The following ARHGEF10 variants were observed in gnomAD, a reference collection of about 807,000 sequenced individuals.
The protein encoded by ARHGEF10 is Rho guanine nucleotide exchange factor 10, also known as Rho guanine nucleotide exchange factor (GEF) 10.
In ARHGEF10, 140 loss-of-function variants were observed where a neutral mutation model predicts 147.4. The observed-to-expected ratio is 0.95, with a 90% CI of 0.83 to 1.09. The LOEUF (loss-of-function observed/expected upper bound fraction) is 1.09. Among genes scored for constraint, ARHGEF10 ranks in the 50% least tolerant of loss-of-function variants. ARHGEF10 has a pLI of 0.00. For synonymous variants in ARHGEF10, 902 were observed against 695.8 expected, an observed-to-expected ratio of 1.30 and a Z score of -4.67; for missense variants, 2,222 against 1,752.7, an observed-to-expected ratio of 1.27 and a Z score of -4.78.
chr8:1,851,061 C>T (rs1482228181), intron 2 of ARHGEF10, among the ~76,000 whole-genome samples: 5 of 152,120 alleles, frequency 3.3e-5, no homozygotes, highest in East Asian at 1.9e-4. Flanking sequence ...AGGCGGAGCA[C>T]GGGATTTTTA....
chr8:1,905,882 T>C (rs1162796525), intron 17 of ARHGEF10, among the ~76,000 whole-genome samples, 166 bp downstream of exon 17: 1 of 152,218 alleles, frequency 6.6e-6, no homozygotes, highest in African/African-American at 2.4e-5. Context: ...AAGCTTATTT[T>C]TAAATAGATT....
intron 8 of ARHGEF10, 34 bp from the exon 9 acceptor site, chr8:1,880,012 CTT>C (rs1563220087): frequency 6.8e-7 from 1 of 1,466,360 alleles, no homozygotes; most frequent in Admixed American, 1.7e-5. Context: ...CAAAAAGAGC[CTT>C]TTTGTGAAAA....
intron 15 of ARHGEF10, among the ~76,000 whole-genome samples, 196 bp from the exon 16 acceptor site, chr8:1,903,085 A>G (rs1272963473): frequency 1.3e-5 from 2 of 150,396 alleles, no homozygotes; most frequent in African/African-American, 5.0e-5. Flanking sequence ...TTGTTTTTGC[A>G]AAGGAAGCTG....
At chr8:1,878,904 T>C (rs1168957473) in intron 8 of ARHGEF10, among the ~76,000 whole-genome samples, 1 of 152,150 alleles carries the variant, frequency 6.6e-6, no homozygotes, top group Non-Finnish European at 1.5e-5. Context: ...GGGCTCTGCA[T>C]TTCCAGCCTC....
chr8:1,839,454 G>GCTGTCTGGTGTGGGGA (rs1803816500), intron 1 of ARHGEF10, among the ~76,000 whole-genome samples: 2 of 131,998 alleles, frequency 1.5e-5, no homozygotes, highest in Admixed American at 7.5e-5. Context: ...TGGTGTGGAA[G>GCTGTCTGGTGTGGGGA]CTGTCTGGTG....
intron 13 of ARHGEF10, among the ~76,000 whole-genome samples, chr8:1,895,536 G>T (rs1809900237): frequency 6.6e-6 from 1 of 152,100 alleles, no homozygotes; most frequent in Non-Finnish European, 1.5e-5. Flanking sequence ...TAAAAAAAGA[G>T]AAATATTGGA....
chr8:1,904,765 A>C (rs2129176490), intron 16 of ARHGEF10, among the ~76,000 whole-genome samples: 1 of 152,270 alleles, frequency 6.6e-6, no homozygotes, highest in East Asian at 1.9e-4. Flanking sequence ...GCGTAGGTTT[A>C]GAATCAAAAG....
At chr8:1,933,753 G>T in intron 25 of ARHGEF10, 47 bp from the exon 26 acceptor site, 2 of 1,612,106 alleles carry the variant, frequency 1.2e-6, no homozygotes, top group Non-Finnish European at 1.7e-6. Flanking sequence ...TCCCATTCCT[G>T]TGCACAGAAA....
At chr8:1,912,479 T>C (rs1811436510) in intron 18 of ARHGEF10, among the ~76,000 whole-genome samples, 1 of 151,694 alleles carries the variant, frequency 6.6e-6, no homozygotes. Flanking sequence ...TGCCGTGCAG[T>C]GTTAGACTCA....
At chr8:1,886,017 C>A (rs1271408455) in intron 11 of ARHGEF10, among the ~76,000 whole-genome samples, 1 of 152,172 alleles carries the variant, frequency 6.6e-6, no homozygotes, top group African/African-American at 2.4e-5. Flanking sequence ...TCGTGGGAGT[C>A]AGTCACACAG....
Position 1,881,900 on chromosome 8 carries a change from G to A in ARHGEF10, c.961-735G>A, listed in dbSNP as rs761127448. 4.1e-4 allele frequency among the ~76,000 whole-genome samples: 63 copies of A among 152,180 alleles called. 1 individual carries two copies. The highest frequency in any genetic ancestry group is 1.4e-3 in the African/African-American group (59 of 41,454). On this transcript the variant is annotated intron_variant, in intron 9 of 28. Coordinates refer to ENST00000349830, the MANE Select transcript of ARHGEF10 (RefSeq NM_014629.4). ...TCTTTTAAAGACGAAATCACTCAGC[G>A]TCCAGTGGCCAGTACCTCAGATGTT...
intron 1 of ARHGEF10, among the ~76,000 whole-genome samples, chr8:1,825,549 G>A (rs1267049127): frequency 6.7e-6 from 1 of 149,666 alleles, no homozygotes. Flanking sequence ...TGGTGCCCAA[G>A]AAGCCAAGGT....
intron 16 of ARHGEF10, chr8:1,904,226 C>G (rs765455940): frequency 1.3e-5 from 2 of 152,268 alleles, no homozygotes; most frequent in Non-Finnish European, 2.9e-5. Context: ...CAGCTTGATG[C>G]TTACATAACT....
Position 1,930,134 on chromosome 8 carries a change from C to T in ARHGEF10, c.3079+691C>T, listed in dbSNP as rs148473597. ...CTGAGGCTGCTCTCCTGGCCCCTCA[C>T]TCAGCTCTGAGCGCAGGGGTGCCGA... On this transcript the variant is annotated intron_variant, in intron 25 of 28. Coordinates refer to ENST00000349830, the MANE Select transcript of ARHGEF10 (RefSeq NM_014629.4). Among the ~76,000 whole-genome samples, 11 of 152,104 alleles carry T rather than the reference C, an allele frequency of 7.2e-5. No individual in the cohort carries two copies. The East Asian group carries it at 9.8e-4, about 14-fold the overall frequency.
In ARHGEF10 at chr8:1,882,645, T is replaced by C. The variant is rs985210714; in HGVS notation, c.971T>C (p.Leu324Pro). The part of the protein sequence containing the change: ...RQKHELKMQK[L>P]VKAAKDGTKD... ...CCCTCTCCGTCGCAGATGCAGAAGCTCGTGAAGGCCGCGAAGGACGGCACC... is the reference window on the plus strand; with the variant it reads ...CCCTCTCCGTCGCAGATGCAGAAGCCCGTGAAGGCCGCGAAGGACGGCACC... Residue 324 changes from leucine (L) to proline (P), a missense_variant, in exon 10 of 29, where the codon CTC becomes CCC. Coordinates refer to ENST00000349830, the MANE Select transcript of ARHGEF10 (RefSeq NM_014629.4). 135 of 1,553,512 alleles carry C rather than the reference T, an allele frequency of 8.7e-5. No individual in the cohort carries two copies. The highest frequency in any genetic ancestry group is 1.2e-4 in the Non-Finnish European group (133 of 1,148,030).
chr8:1,880,228 G>A, intron 9 of ARHGEF10, 64 bp downstream of exon 9: 3 of 1,132,862 alleles, frequency 2.6e-6, no homozygotes, highest in Non-Finnish European at 4.0e-6. Flanking sequence ...AAACCGCGCG[G>A]CTCGGTCGGT....
chr8:1,935,252 G>A (rs890165536), intron 26 of ARHGEF10, among the ~76,000 whole-genome samples: 3 of 152,064 alleles, frequency 2.0e-5, no homozygotes, highest in Non-Finnish European at 4.4e-5. Context: ...GGAGTGGTGC[G>A]TTTGTTACAG....
chr8:1,945,919 G>GCT, intron 27 of ARHGEF10: 2 of 615,820 alleles, frequency 3.2e-6, no homozygotes, highest in Non-Finnish European at 5.8e-6. Context: ...GGAGCCGCGT[G>GCT]GCAGTGCCAT....
rs532295584 is a variant in ARHGEF10 at position 1,937,240 on chromosome 8, G to A, written c.3222+3298G>A. Among the ~76,000 whole-genome samples the A allele has an allele frequency of 1.3e-5, 2 of 152,130 alleles. No individual in the cohort carries two copies. The highest frequency in any genetic ancestry group is 2.1e-4 in the South Asian group (1 of 4,816). On this transcript the variant is annotated intron_variant, in intron 26 of 28. Transcript: ENST00000349830. The surrounding 1 kb of genome is among the most constrained non-coding windows in gnomAD (Gnocchi z 4.9). ...CTGAGAATGAGAAGCCTTCAGTTTC[G>A]TGGGGAGCCAGGGATTAGCTAGTGC...
Sources: gnomAD v4.1 joint callset for allele counts (sites outside exome capture counted in the v4.1 genomes callset) on GRCh38, gnomAD v4.1.1 for gene constraint, Gnocchi (gnomAD v3.1) non-coding constraint, MANE v1.5 for transcripts, NCBI Gene and HGNC (gene_info 2026-07-23, HGNC 2026-07-21) for gene names.